Variants in CLDN16 observed in about 807,000 individuals in gnomAD.
CLDN16 encodes claudin 16, also known as claudin-16.
In CLDN16, 13 loss-of-function variants were observed where a neutral mutation model predicts 24.6. The observed-to-expected ratio is 0.53, with a 90% CI of 0.34 to 0.84. CLDN16 has a LOEUF of 0.84. Among genes scored for constraint, CLDN16 ranks in the 40% least tolerant of loss-of-function variants. CLDN16 has a pLI of 0.01. For synonymous variants in CLDN16, 116 were observed against 106.7 expected, an observed-to-expected ratio of 1.09 and a Z score of -0.54; for missense variants, 298 against 292.7, an observed-to-expected ratio of 1.02 and a Z score of -0.13.
intron 1 of CLDN16, among the ~76,000 whole-genome samples, chr3:190,362,949 T>G (rs775036425): frequency 6.6e-6 from 1 of 152,024 alleles, no homozygotes; most frequent in African/African-American, 2.4e-5. Flanking sequence ...ATGTGTACTT[T>G]GTATTTTTTC....
intron 1 of CLDN16, among the ~76,000 whole-genome samples, chr3:190,346,548 T>C (rs1214053016): frequency 1.3e-5 from 2 of 152,212 alleles, no homozygotes; most frequent in East Asian, 3.8e-4. Flanking sequence ...GTCCTAGTAT[T>C]CTTTACAACA....
chr3:190,330,560 T>C (rs1236278744), intron 1 of CLDN16, among the ~76,000 whole-genome samples: 2 of 152,076 alleles, frequency 1.3e-5, no homozygotes, highest in Non-Finnish European at 2.9e-5. Context: ...CATCCGGTGG[T>C]GGTGAAGGGT....
At chr3:190,348,323 A>G (rs1955089) in intron 1 of CLDN16, among the ~76,000 whole-genome samples, 92,916 of 141,252 alleles carry the variant, frequency 0.66, 32,303 homozygotes, top group East Asian at 0.93. Context: ...CAAGGAAGAC[A>G]GCAAGACTGC....
chr3:190,385,295 C>T (rs1391971420), upstream of CLDN16, among the ~76,000 whole-genome samples: 1 of 152,154 alleles, frequency 6.6e-6, no homozygotes, highest in Non-Finnish European at 1.5e-5. Context: ...CCTCCATCCT[C>T]ACAACACCCT....
intron 2 of CLDN16, 125 bp from the exon 3 acceptor site, chr3:190,404,637 A>C: frequency 3.4e-6 from 3 of 882,460 alleles, no homozygotes; most frequent in Non-Finnish European, 5.7e-6. Flanking sequence ...GTTCATACAA[A>C]GTCTGACTTT....
chr3:190,317,572 A>G (rs1400770095), upstream of CLDN16, among the ~76,000 whole-genome samples: 1 of 152,246 alleles, frequency 6.6e-6, no homozygotes, highest in Non-Finnish European at 1.5e-5. Flanking sequence ...AGTAGAATCT[A>G]CTATCAATAC....
Position 190,403,986 on chromosome 3 carries a change from C to T in CLDN16, c.218-776C>T, listed in dbSNP as rs560333581. ...TTTATGCAAGAAGAAAATATAATCA[C>T]TCATAAGCTCACTACGTAGAGAAAA... On this transcript the variant is annotated intron_variant, in intron 2 of 4. Coordinates refer to ENST00000264734, the MANE Select transcript of CLDN16 (RefSeq NM_006580.4). Among the ~76,000 whole-genome samples, 6 of 152,184 alleles carry T rather than the reference C, an allele frequency of 3.9e-5. No individual in the cohort carries two copies. The East Asian group carries it at 1.2e-3, about 29-fold the overall frequency.
At chr3:190,312,751 A>G in the CLDN16 span, 1 of 1,068,294 alleles carries the variant, frequency 9.4e-7, no homozygotes. Context: ...ACTGGACTTC[A>G]GGTCTATGTT....
chr3:190,303,589 C>G, the CLDN16 span, among the ~76,000 whole-genome samples: 4 of 152,098 alleles, frequency 2.6e-5, no homozygotes, highest in Non-Finnish European at 2.9e-5. Flanking sequence ...CACAGAAATG[C>G]TATTCAATTA....
At chr3:190,358,062 C>T (rs1373743147) in intron 1 of CLDN16, among the ~76,000 whole-genome samples, 1 of 151,730 alleles carries the variant, frequency 6.6e-6, no homozygotes, top group Non-Finnish European at 1.5e-5. Flanking sequence ...ATGAGACTGA[C>T]TGGCACGTAT....
chr3:190,343,130 C>G (rs1577402565), intron 1 of CLDN16, among the ~76,000 whole-genome samples: 1 of 151,920 alleles, frequency 6.6e-6, no homozygotes, highest in Admixed American at 6.6e-5. Flanking sequence ...ACTTATAACC[C>G]ACTTATAACT....
At chr3:190,405,630 A>G (rs1442537395) in intron 3 of CLDN16, among the ~76,000 whole-genome samples, 2 of 152,230 alleles carry the variant, frequency 1.3e-5, no homozygotes, top group East Asian at 1.9e-4. Context: ...CTTTTTAACA[A>G]TAAACTAACA....
the CLDN16 span, among the ~76,000 whole-genome samples, chr3:190,301,940 T>A: frequency 2.6e-5 from 4 of 152,200 alleles, no homozygotes; most frequent in Non-Finnish European, 4.4e-5. Context: ...TATCTTTTGC[T>A]TTCATTCAAA....
At chr3:190,364,531 G>T (rs1448741741) in intron 1 of CLDN16, among the ~76,000 whole-genome samples, 2 of 151,920 alleles carry the variant, frequency 1.3e-5, no homozygotes, top group African/African-American at 4.8e-5. Context: ...GCATAACAAG[G>T]ACTACTTTTC....
At chr3:190,308,363 A>G in the CLDN16 span, 1 of 1,613,958 alleles carries the variant, frequency 6.2e-7, no homozygotes, top group African/African-American at 1.3e-5. Flanking sequence ...GGACAGGAAC[A>G]GCAAAGTAGG....
intron 1 of CLDN16, among the ~76,000 whole-genome samples, chr3:190,344,829 G>A (rs989889447): frequency 6.6e-6 from 1 of 152,104 alleles, no homozygotes; most frequent in Non-Finnish European, 1.5e-5. Flanking sequence ...GCTCATGCTA[G>A]GAATTTGGTT....
intron 1 of CLDN16, among the ~76,000 whole-genome samples, chr3:190,370,293 C>T (rs773434497): frequency 2.0e-5 from 3 of 151,936 alleles, no homozygotes; most frequent in Non-Finnish European, 4.4e-5. Context: ...AAAGTTATGC[C>T]ATTCTCTAAA....
chr3:190,297,497 T>G, the CLDN16 span, among the ~76,000 whole-genome samples: 1 of 83,752 alleles, frequency 1.2e-5, no homozygotes, highest in South Asian at 2.7e-4. Flanking sequence ...TATATCTATA[T>G]TTATATCTAT....
chr3:190,357,788 C>T (rs1717807828), intron 1 of CLDN16, among the ~76,000 whole-genome samples: 1 of 151,956 alleles, frequency 6.6e-6, no homozygotes, highest in South Asian at 2.1e-4. Flanking sequence ...AATCAAACCA[C>T]AGCCTGCCTA....
Sources: allele counts gnomAD v4.1 joint callset (sites outside exome capture counted in the v4.1 genomes callset), GRCh38; gene constraint gnomAD v4.1.1; transcripts MANE v1.5; gene names NCBI Gene and HGNC (gene_info 2026-07-23, HGNC 2026-07-21).